Variants in ACTA2 observed in about 807,000 individuals in gnomAD.
ACTA2 encodes actin alpha 2, smooth muscle.
In ACTA2, 12 loss-of-function variants were observed where a neutral mutation model predicts 39.5. The ratio of observed to expected loss-of-function variants is 0.30; its 90% CI spans 0.19 to 0.49. ACTA2 has a LOEUF of 0.49. Among genes scored for constraint, ACTA2 ranks in the 20% least tolerant of loss-of-function variants. The pLI is 0.99. For synonymous variants in ACTA2, 158 were observed against 180.6 expected, an observed-to-expected ratio of 0.88 and a Z score of 1.00; for missense variants, 236 against 498.8, an observed-to-expected ratio of 0.47 and a Z score of 5.02.
At chr10:88,950,467 G>A (rs1403238766) in intron 1 of ACTA2, among the ~76,000 whole-genome samples, 1 of 152,176 alleles carries the variant, frequency 6.6e-6, no homozygotes, top group African/African-American at 2.4e-5. Context: ...CTTGCCAAAG[G>A]CCTAAAACTT....
At chr10:88,956,218 TTC>T (rs1413098722), upstream of ACTA2, among the ~76,000 whole-genome samples, 3 of 152,222 alleles carry the variant, frequency 2.0e-5, no homozygotes, top group Non-Finnish European at 4.4e-5. Flanking sequence ...CACAAATGTA[TTC>T]TGTTACAATT....
chr10:88,935,192 T>G lies in ACTA2; in HGVS notation c.*31A>C. 6.2e-7 allele frequency: 1 copy of G among 1,611,400 alleles called. No homozygotes were observed. The highest frequency in any genetic ancestry group is 8.5e-7 in the Non-Finnish European group (1 of 1,179,228). On this transcript the variant is annotated 3_prime_UTR_variant, in exon 9 of 9. Coordinates refer to ENST00000224784, the MANE Select transcript of ACTA2 (RefSeq NM_001613.4). ...ATTCCACAGGACATTCACAGTTGTG[T>G]GCTAGAGACAGAGAGGAGCAGGAAA... is the stretch of plus-strand genomic sequence containing the variant.
At chr10:88,935,419 G>A (rs775803770) in intron 8 of ACTA2, 53 bp from the exon 9 acceptor site, 4 of 1,596,432 alleles carry the variant, frequency 2.5e-6, no homozygotes, top group East Asian at 2.2e-5. Flanking sequence ...TAGTGCAGTC[G>A]TTAGTGCGGT....
chr10:88,975,417 G>T (rs1846539589), intron 1 of ACTA2, among the ~76,000 whole-genome samples: 1 of 152,102 alleles, frequency 6.6e-6, no homozygotes, highest in Admixed American at 6.5e-5. Flanking sequence ...ACCTGAAAGT[G>T]TTTGTTTTTT....
chr10:88,987,412 C>A (rs4934434), intron 1 of ACTA2, among the ~76,000 whole-genome samples: 53,517 of 152,010 alleles, frequency 0.35, 10,184 homozygotes, highest in East Asian at 0.52. Context: ...GGTTCAATTT[C>A]AGAACCAAAT....
intron 1 of ACTA2, among the ~76,000 whole-genome samples, chr10:88,962,973 ATAT>A (rs1846259862): frequency 9.0e-5 from 5 of 55,690 alleles, no homozygotes; most frequent in Non-Finnish European, 1.5e-4. Flanking sequence ...ATATATATAT[ATAT>A]AATATTTTTT....
Position 88,941,464 on chromosome 10 carries a change from G to A in ACTA2, c.455-74C>T, listed in dbSNP as rs77231346. On this transcript the variant is annotated intron_variant, in intron 5 of 8. Transcript: ENST00000224784. ...TTACTTGCTGGACAAGTAGAGGGAA[G>A]CCTTGGGGGAGAGGGAATTTCCGAG... The A allele has an allele frequency of 8.4e-3, 13,256 of 1,582,426 alleles. 387 individuals are homozygous for A. In the East Asian group the frequency reaches 0.12, roughly 14 times the overall value.
At chr10:88,968,007 T>A (rs1846350815) in intron 1 of ACTA2, among the ~76,000 whole-genome samples, 1 of 152,228 alleles carries the variant, frequency 6.6e-6, no homozygotes, top group South Asian at 2.1e-4. Context: ...AAGTCCTTTT[T>A]TTTTTCTGTA....
chr10:88,978,925 C>T (rs933784117), intron 1 of ACTA2, among the ~76,000 whole-genome samples: 1 of 151,388 alleles, frequency 6.6e-6, no homozygotes, highest in Non-Finnish European at 1.5e-5. Context: ...TTAATAGGAA[C>T]TAATATTCAT....
chr10:88,989,877 A>G (rs1847061829), intron 1 of ACTA2, among the ~76,000 whole-genome samples: 1 of 152,240 alleles, frequency 6.6e-6, no homozygotes, highest in Non-Finnish European at 1.5e-5. Context: ...TTCAGTAATG[A>G]TGTCATTATC....
At chr10:88,970,539 A>C (rs1266529993) in intron 1 of ACTA2, among the ~76,000 whole-genome samples, 1 of 152,204 alleles carries the variant, frequency 6.6e-6, no homozygotes, top group African/African-American at 2.4e-5. Context: ...GGAGGTAGGA[A>C]GAAGGACATT....
intron 1 of ACTA2, among the ~76,000 whole-genome samples, chr10:88,987,363 C>G (rs1846932391): frequency 6.6e-6 from 1 of 152,152 alleles, no homozygotes; most frequent in South Asian, 2.1e-4. Flanking sequence ...TAAGCAGAAA[C>G]TAAGAATTTG....
intron 1 of ACTA2, among the ~76,000 whole-genome samples, chr10:88,960,868 A>C (rs920771571): frequency 1.3e-5 from 2 of 152,330 alleles, no homozygotes; most frequent in Non-Finnish European, 1.5e-5. Flanking sequence ...ATTGCTGCTT[A>C]TAAGCCACAG....
At chr10:88,981,276 A>G (rs1318082628) in intron 1 of ACTA2, among the ~76,000 whole-genome samples, 2 of 152,242 alleles carry the variant, frequency 1.3e-5, no homozygotes, top group Non-Finnish European at 2.9e-5. Context: ...TGTTAAGATT[A>G]GGTGAGGATC....
chr10:88,953,011 G>A (rs998582841), upstream of ACTA2, among the ~76,000 whole-genome samples: 7 of 152,240 alleles, frequency 4.6e-5, no homozygotes, highest in East Asian at 3.8e-4. Context: ...AGATAAACAC[G>A]CCAAGCCTTC....
intron 1 of ACTA2, among the ~76,000 whole-genome samples, chr10:88,981,501 C>G (rs940478629): frequency 6.6e-6 from 1 of 151,970 alleles, no homozygotes; most frequent in Non-Finnish European, 1.5e-5. Context: ...GAGGTCTAGA[C>G]TAGTATCCGT....
chr10:88,939,852 C>T (rs374923122), intron 6 of ACTA2, 154 bp from the exon 7 acceptor site: 31 of 763,408 alleles, frequency 4.1e-5, no homozygotes, highest in East Asian at 2.4e-4. Context: ...ATGATAATGA[C>T]GTAGTAGGGC....
chr10:88,935,462 G>T, intron 8 of ACTA2, 96 bp from the exon 9 acceptor site: 1 of 1,424,464 alleles, frequency 7.0e-7, no homozygotes. Context: ...CCATGGCCTA[G>T]TTTCTTGTTC....
chr10:88,963,591 A>G (rs1334336833), intron 1 of ACTA2, among the ~76,000 whole-genome samples: 4 of 152,150 alleles, frequency 2.6e-5, no homozygotes, highest in Non-Finnish European at 4.4e-5. Flanking sequence ...CTCTGGACCT[A>G]TTTAAACCAA....
Sources: gnomAD v4.1 joint callset for allele counts (sites outside exome capture counted in the v4.1 genomes callset) on GRCh38, gnomAD v4.1.1 for gene constraint, MANE v1.5 for transcripts, NCBI Gene and HGNC (gene_info 2026-07-23, HGNC 2026-07-21) for gene names.